LNPEP: variants seen among roughly 807,000 people sequenced by gnomAD.
LNPEP encodes the protein leucyl-cystinyl aminopeptidase.
A neutral mutation model predicts 120.6 loss-of-function variants in LNPEP; 64 were observed. The ratio of observed to expected loss-of-function variants is 0.53; its 90% CI spans 0.43 to 0.65. The LOEUF (loss-of-function observed/expected upper bound fraction) is 0.65, where lower values mean the gene tolerates loss of function less well. Ranked by LOEUF, LNPEP falls within the 30% of genes least tolerant of loss-of-function variation. The pLI is 0.00. For missense variants in LNPEP, 1,057 were observed against 1,200.0 expected (o/e 0.88, Z 1.76); for synonymous variants, 435 against 425.4 (o/e 1.02, Z -0.28).
At chr5:97,020,206 A>T (rs1791160015) in intron 13 of LNPEP, among the ~76,000 whole-genome samples, 1 of 152,218 alleles carries the variant, frequency 6.6e-6, no homozygotes, top group South Asian at 2.1e-4. Flanking sequence ...TAGTTTAAAA[A>T]TTTCCAAATA....
chr5:97,003,427 T>C lies in LNPEP; in HGVS notation c.1666T>C (p.Leu556=). 1 of 1,562,740 alleles carries C rather than the reference T, an allele frequency of 6.4e-7. No individual in the cohort carries two copies. The change falls in exon 9 of 18, where the codon TTG becomes CTG. Residue 556 remains leucine, a synonymous_variant. Coordinates refer to ENST00000231368, the MANE Select transcript of LNPEP (RefSeq NM_005575.3). The part of the protein sequence containing the change: ...SLSYFKGSSL[L]LMLKTYLSED... ...TTTTTTTTAATAGGGATCTTCTCTC[T>C]TGTTGATGTTGAAAACTTACCTTAG...
intron 8 of LNPEP, among the ~76,000 whole-genome samples, chr5:97,002,552 A>T (rs980855348): frequency 6.6e-6 from 1 of 152,210 alleles, no homozygotes; most frequent in South Asian, 2.1e-4. Context: ...AATAATCTTG[A>T]CATTACTACA....
At chr5:96,991,836 T>G (rs1790394546) in intron 4 of LNPEP, among the ~76,000 whole-genome samples, 1 of 96,944 alleles carries the variant, frequency 1.0e-5, no homozygotes. Context: ...TGTTGACAGT[T>G]TTAAAATCAT....
intron 1 of LNPEP, among the ~76,000 whole-genome samples, chr5:96,963,240 G>A (rs780539621): frequency 6.6e-6 from 1 of 152,168 alleles, no homozygotes; most frequent in Non-Finnish European, 1.5e-5. Context: ...TAATAGTGTA[G>A]TGATCAATTT....
Position 97,004,263 on chromosome 5 carries a change from C to T in LNPEP, c.1785+717C>T, listed in dbSNP as rs144515364. ...AGCGTGGTGGCTCACGCCTGTAATC[C>T]CAGCACTTTGGGAGGCCAAGGCAGG... On this transcript the variant is annotated intron_variant, in intron 9 of 17. Transcript: ENST00000231368. Among the ~76,000 whole-genome samples, 1,392 of 152,184 alleles carry T rather than the reference C, an allele frequency of 9.1e-3. 31 individuals are homozygous for T. The highest frequency in any genetic ancestry group is 0.067 in the East Asian group (347 of 5,182).
intron 1 of LNPEP, among the ~76,000 whole-genome samples, chr5:96,938,829 A>G (rs1168619392): frequency 6.6e-6 from 1 of 152,156 alleles, no homozygotes; most frequent in East Asian, 1.9e-4. Context: ...TATTATGTTG[A>G]AGTCTGGACA....
chr5:96,997,650 C>T (rs776882801), intron 7 of LNPEP, among the ~76,000 whole-genome samples: 17 of 151,946 alleles, frequency 1.1e-4, no homozygotes, highest in Non-Finnish European at 1.8e-4. Context: ...TGTTCTTTCT[C>T]TTTTTAAATT....
At chr5:96,997,189 T>C (rs1028529758) in intron 7 of LNPEP, among the ~76,000 whole-genome samples, 7 of 152,052 alleles carry the variant, frequency 4.6e-5, no homozygotes, top group African/African-American at 1.4e-4. Flanking sequence ...GGTGGGAAAG[T>C]GTAAAGATAC....
intron 7 of LNPEP, 55 bp from the exon 8 acceptor site, chr5:96,997,959 A>G (rs1035004191): frequency 2.8e-5 from 35 of 1,254,590 alleles, no homozygotes; most frequent in African/African-American, 2.6e-4. Flanking sequence ...ATAATTTACT[A>G]TACTTTTGCA....
intron 1 of LNPEP, among the ~76,000 whole-genome samples, chr5:96,973,107 A>G (rs1183873309): frequency 6.6e-6 from 1 of 152,170 alleles, no homozygotes; most frequent in Admixed American, 6.6e-5. Context: ...ACTTAGATAC[A>G]TCTTCAAAAC....
chr5:96,951,073 G>A (rs1222538316), intron 1 of LNPEP, among the ~76,000 whole-genome samples: 1 of 152,158 alleles, frequency 6.6e-6, no homozygotes, highest in South Asian at 2.1e-4. Context: ...CCTTCTTGCT[G>A]TGTCCTCACA....
chr5:96,962,687 G>C (rs1304488149), intron 1 of LNPEP: 1 of 150,014 alleles, frequency 6.7e-6, no homozygotes, highest in East Asian at 1.9e-4. Context: ...AATGAGGGTG[G>C]AGAAGGAACA....
chr5:96,953,413 G>A (rs551304947), intron 1 of LNPEP, among the ~76,000 whole-genome samples: 2 of 152,240 alleles, frequency 1.3e-5, no homozygotes, highest in South Asian at 2.1e-4. Context: ...AGTTTGATTA[G>A]CACCTAAGAC....
In LNPEP at chr5:96,986,645, T is replaced by A. The variant is rs377307978; in HGVS notation, c.1106T>A (p.Leu369Gln). ...VAFIVGEMKN[L>Q]SQDVNGTLVS... Reference sequence around the variant, plus strand: ...TTCATTGTGGGAGAGATGAAGAACCTGAGTCAGGACGTAAATGGAACCCTG... The same window carrying A: ...TTCATTGTGGGAGAGATGAAGAACCAGAGTCAGGACGTAAATGGAACCCTG... The change falls in exon 4 of 18, where the codon CTG (leucine) becomes CAG (glutamine). Residue 369 changes from leucine to glutamine, a missense_variant. Leu to Gln is a moderately radical substitution (Grantham distance 113). Coordinates refer to ENST00000231368, the MANE Select transcript of LNPEP (RefSeq NM_005575.3). The A allele has an allele frequency of 8.6e-5, 139 of 1,613,484 alleles. No individual in the cohort carries two copies. The highest frequency in any genetic ancestry group is 1.1e-4 in the Non-Finnish European group (125 of 1,179,656).
chr5:97,035,234 G>A lies in LNPEP; in HGVS notation c.*6701G>A, dbSNP rs371617752. 4 of 152,172 alleles carry A rather than the reference G, an allele frequency of 2.6e-5. No individual in the cohort carries two copies. The South Asian group carries it at 6.2e-4, about 24-fold the overall frequency. The allele number at this position is 152,172 out of a possible 1,614,324, so 9.4% of individuals were successfully genotyped here. On this transcript the variant is annotated 3_prime_UTR_variant, in exon 18 of 18. Coordinates refer to ENST00000231368, the MANE Select transcript of LNPEP (RefSeq NM_005575.3). Reference sequence around the variant, plus strand: ...AAGGACAGTGTCTATACTTTTTAAAGATGTATATAAATGTTTCATGTTATT... The same window carrying A: ...AAGGACAGTGTCTATACTTTTTAAAAATGTATATAAATGTTTCATGTTATT...
At chr5:96,964,446 ATATT>A (rs1420561786) in intron 1 of LNPEP, among the ~76,000 whole-genome samples, 1 of 151,994 alleles carries the variant, frequency 6.6e-6, no homozygotes, top group Non-Finnish European at 1.5e-5. Context: ...ATCCAACTGG[ATATT>A]TATTTAAATG....
At position 96,979,244 on chromosome 5, in the gene LNPEP, T is replaced by C; in HGVS notation, c.126T>C (p.Asp42=). The C allele has an allele frequency of 6.2e-7, 1 of 1,613,944 alleles. No homozygotes were observed. The highest frequency in any genetic ancestry group is 8.5e-7 in the Non-Finnish European group (1 of 1,179,870). Residue 42 remains aspartate, a synonymous_variant, in exon 2 of 18, where the codon GAT becomes GAC. Transcript: ENST00000231368. ...CTTGTTTACATCCTCTAGAGCCTGATGAGGTGGAATATGAGCCCCGGGGTT... is the reference window on the plus strand; with the variant it reads ...CTTGTTTACATCCTCTAGAGCCTGACGAGGTGGAATATGAGCCCCGGGGTT... ...KEPCLHPLEP[D]EVEYEPRGSR... is the part of the protein sequence containing the mutation.
rs560734717 is a variant in LNPEP at position 97,008,442 on chromosome 5, C to T, written c.2035+1927C>T. Among the ~76,000 whole-genome samples the T allele has an allele frequency of 1.3e-3, 175 of 135,356 alleles. 1 individual carries two copies. The highest frequency in any genetic ancestry group is 4.6e-3 in the African/African-American group (167 of 36,072). The allele number at this position is 135,356 out of a possible 152,430, so 88.8% of individuals were successfully genotyped here. ...CATAGCCCACTGCAGCCTCAAACCC[C>T]TGGGTTCAAGCAATCCTCCTGCCTC... On this transcript the variant is annotated intron_variant, in intron 11 of 17. Transcript: ENST00000231368.
At chr5:97,025,042 G>GA (rs910226384) in intron 15 of LNPEP, among the ~76,000 whole-genome samples, 35 of 149,274 alleles carry the variant, frequency 2.3e-4, no homozygotes, top group South Asian at 4.2e-4. Flanking sequence ...AGGCATTTCA[G>GA]AAAAAAAAAA....
Sources: gnomAD v4.1 joint callset for allele counts (sites outside exome capture counted in the v4.1 genomes callset) on GRCh38, gnomAD v4.1.1 for gene constraint, MANE v1.5 for transcripts, NCBI Gene and HGNC (gene_info 2026-07-23, HGNC 2026-07-21) for gene names.